RBM39: variants seen among roughly 807,000 people sequenced by gnomAD.
RBM39 encodes RNA-binding protein 39.
In RBM39, 12 loss-of-function variants were observed where a neutral mutation model predicts 79.6. That is an observed-to-expected ratio of 0.15 (90% CI 0.10 to 0.24). The LOEUF is 0.24. RBM39 is among the 10% of genes least tolerant of loss of function. RBM39 has a pLI of 1.00. For missense variants in RBM39, 243 were observed against 653.4 expected (o/e 0.37, Z 6.85); for synonymous variants, 185 against 208.4 (o/e 0.89, Z 0.97).
intron 8 of RBM39, among the ~76,000 whole-genome samples, chr20:35,724,138 C>A (rs1458790102): frequency 6.6e-6 from 1 of 151,994 alleles, no homozygotes; most frequent in East Asian, 1.9e-4. Flanking sequence ...TCAATACTAG[C>A]CTGGCCAACA....
intron 8 of RBM39, 138 bp downstream of exon 8, chr20:35,724,432 T>TAAAA (rs74980478): frequency 4.2e-5 from 26 of 617,796 alleles, no homozygotes; most frequent in African/African-American, 2.5e-4. Flanking sequence ...AACGCAAAGT[T>TAAAA]AAAAAAAAAA....
Position 35,702,829 on chromosome 20 carries a change from A to C in RBM39, c.*1652T>G, listed in dbSNP as rs2035348900. 6.6e-6 allele frequency: 1 copy of C among 152,232 alleles called. No homozygotes were observed. The highest frequency in any genetic ancestry group is 1.5e-5 in the Non-Finnish European group (1 of 68,056). 9.4% of individuals were successfully genotyped at this position (152,232 alleles called of 1,614,324 possible). A position where few individuals can be genotyped will look rare whatever the true frequency, so the allele number is the denominator to read the frequency against. On this transcript the variant is annotated 3_prime_UTR_variant, in exon 17 of 17. Transcript: ENST00000253363. Reference sequence around the variant, plus strand: ...CAGCTCTTCAGGAGACTGAGGTGGGAGAATTGCTTGAACCTGGGAGATGGA... The same window carrying C: ...CAGCTCTTCAGGAGACTGAGGTGGGCGAATTGCTTGAACCTGGGAGATGGA...
chr20:35,740,692 G>A, intron 2 of RBM39, 132 bp downstream of exon 2: 1 of 1,307,018 alleles, frequency 7.7e-7, no homozygotes, highest in South Asian at 1.2e-5. Flanking sequence ...ACTTTTGTAA[G>A]TTACACGTAA....
chr20:35,740,087 T>C (rs894269421), intron 2 of RBM39: 2 of 156,666 alleles, frequency 1.3e-5, no homozygotes, highest in African/African-American at 4.8e-5. Context: ...TGGTAGGGCC[T>C]AATTAAAAAT....
Position 35,742,179 on chromosome 20 carries a change from G to C in RBM39, c.-252C>G, listed in dbSNP as rs1294863221. The C allele has an allele frequency of 6.2e-6, 1 of 160,066 alleles. No individual in the cohort carries two copies. Among genetic ancestry groups the C allele is most frequent in the Admixed American group, 6.5e-5 (1 of 15,414 alleles). 9.9% of individuals were successfully genotyped at this position (160,066 alleles called of 1,614,324 possible). ...GCAGGACGGCGGCTTCGGCAGCTCA[G>C]GATCCACCCCTGCGACAGCGTCGAC... On this transcript the variant is annotated 5_prime_UTR_variant, in exon 1 of 17. Coordinates refer to ENST00000253363, the MANE Select transcript of RBM39 (RefSeq NM_184234.3).
chr20:35,736,576 GA>G, intron 3 of RBM39: 1 of 470,842 alleles, frequency 2.1e-6, no homozygotes, highest in South Asian at 1.5e-5. Flanking sequence ...ATCTTAGGAG[GA>G]AAAGAGCCAA....
chr20:35,733,532 C>T (rs1421105571), intron 3 of RBM39, among the ~76,000 whole-genome samples: 1 of 151,944 alleles, frequency 6.6e-6, no homozygotes, highest in Non-Finnish European at 1.5e-5. Context: ...TCGCTTGAAC[C>T]TGGGAGGCAG....
At chr20:35,741,839 C>T (rs889891029) in intron 1 of RBM39, 102 bp downstream of exon 1, 1 of 158,448 alleles carries the variant, frequency 6.3e-6, no homozygotes, top group African/African-American at 2.4e-5. Flanking sequence ...AAAACCACCC[C>T]CCACCCCGGT....
chr20:35,724,204 C>A (rs182172335), intron 8 of RBM39, among the ~76,000 whole-genome samples: 3 of 151,968 alleles, frequency 2.0e-5, no homozygotes, highest in African/African-American at 7.3e-5. Context: ...TGGTGGCAGG[C>A]TCCTGTAATC....
At chr20:35,737,564 G>A (rs2040071770) in intron 3 of RBM39, among the ~76,000 whole-genome samples, 1 of 149,148 alleles carries the variant, frequency 6.7e-6, no homozygotes, top group Non-Finnish European at 1.5e-5. Flanking sequence ...CTGTCTCAAA[G>A]AAAAAATAAA....
At chr20:35,715,471 C>T (rs768240356) in intron 10 of RBM39, among the ~76,000 whole-genome samples, 1 of 152,184 alleles carries the variant, frequency 6.6e-6, no homozygotes, top group Non-Finnish European at 1.5e-5. Flanking sequence ...CCACCACACA[C>T]AGCCCAAAAA....
At chr20:35,721,559 C>A (rs553626675) in intron 9 of RBM39, among the ~76,000 whole-genome samples, 181 bp downstream of exon 9, 14 of 152,340 alleles carry the variant, frequency 9.2e-5, no homozygotes, top group African/African-American at 3.4e-4. Context: ...CAGTAACATT[C>A]TTTTAAGAAT....
At chr20:35,722,415 T>TA (rs1255991608) in intron 8 of RBM39, among the ~76,000 whole-genome samples, 6,281 of 84,320 alleles carry the variant, frequency 0.074, 218 homozygotes, top group African/African-American at 0.15. Context: ...TCAAAAAAAA[T>TA]AAAAATAAAA....
intron 12 of RBM39, 64 bp from the exon 13 acceptor site, chr20:35,709,338 A>G: frequency 7.3e-7 from 1 of 1,374,412 alleles, no homozygotes; most frequent in East Asian, 2.3e-5. Context: ...GGAAAGCATT[A>G]ATAAAAGAGG....
At chr20:35,734,588 CCT>C in intron 3 of RBM39, 1 of 252,632 alleles carries the variant, frequency 4.0e-6, no homozygotes, top group Middle Eastern at 1.4e-3. Context: ...AACCTATTTA[CCT>C]CTCATAGGAC....
chr20:35,740,709 T>G, intron 2 of RBM39, 115 bp downstream of exon 2: 1 of 1,313,834 alleles, frequency 7.6e-7, no homozygotes, highest in Non-Finnish European at 1.1e-6. Context: ...GTAATGCATC[T>G]CTGATAAGAT....
chr20:35,737,848 C>CCA (rs1468925578), intron 3 of RBM39, among the ~76,000 whole-genome samples: 14 of 40,428 alleles, frequency 3.5e-4, no homozygotes, highest in African/African-American at 9.6e-4. Flanking sequence ...GACTCCGTGT[C>CCA]AAAAAAAAAA....
chr20:35,729,652 G>C, intron 4 of RBM39, 125 bp from the exon 5 acceptor site: 1 of 825,110 alleles, frequency 1.2e-6, no homozygotes. Flanking sequence ...TTATGAAGAG[G>C]AAACAAAAAT....
rs1371959116 is a variant in RBM39 at position 35,729,444 on chromosome 20, A to G, written c.362+18T>C. ...CCTTGAAAAACAATTTAAACAATTC[A>G]GAAGTATGTTTAAAAACCTTAATTT... On this transcript the variant is annotated intron_variant, in intron 5 of 16. Transcript: ENST00000253363. 2 of 1,611,726 alleles carry G rather than the reference A, an allele frequency of 1.2e-6. No homozygotes were observed. Among genetic ancestry groups the G allele is most frequent in the South Asian group, 1.1e-5 (1 of 90,762 alleles).
Sources: gnomAD v4.1 joint callset for allele counts (sites outside exome capture counted in the v4.1 genomes callset) on GRCh38, gnomAD v4.1.1 for gene constraint, MANE v1.5 for transcripts, NCBI Gene and HGNC (gene_info 2026-07-23, HGNC 2026-07-21) for gene names.